The following EFHD1 variants were observed in gnomAD, a reference collection of about 807,000 sequenced individuals.
EFHD1 encodes EF-hand domain-containing protein D1.
A neutral mutation model predicts 17.2 loss-of-function variants in EFHD1; 10 were observed. That is an observed-to-expected ratio of 0.58 (90% confidence interval 0.36 to 0.99). The LOEUF (loss-of-function observed/expected upper bound fraction) is 0.99. EFHD1 is among the 50% of genes least tolerant of loss of function. EFHD1 has a pLI of 0.01. For missense variants in EFHD1, 310 were observed against 327.5 expected (o/e 0.95, Z 0.41); for synonymous variants, 153 against 142.0 (o/e 1.08, Z -0.55).
Position 232,644,418 on chromosome 2 carries a change from A to G in EFHD1, c.302+10412A>G, listed in dbSNP as rs75376326. Among the ~76,000 whole-genome samples, 443 of 152,062 alleles carry G rather than the reference A, an allele frequency of 2.9e-3. 5 individuals carry two copies. In the East Asian group the frequency reaches 0.036, roughly 12 times the overall value. On this transcript the variant is annotated intron_variant, in intron 1 of 3. Transcript: ENST00000264059. The stretch of plus-strand genomic sequence containing the variant: ...TAGTGGCTCCTGGGCTTCTGTGGCT[A>G]AGGGCACCTCTGTTGGCTTGGAGGC...
intron 1 of EFHD1, among the ~76,000 whole-genome samples, chr2:232,614,367 C>G (rs574756315): frequency 6.6e-6 from 1 of 152,132 alleles, no homozygotes; most frequent in Non-Finnish European, 1.5e-5. Flanking sequence ...TCTGAGACAG[C>G]GAGACCAACC....
At chr2:232,636,471 G>A (rs932941027) in intron 1 of EFHD1, among the ~76,000 whole-genome samples, 1 of 152,200 alleles carries the variant, frequency 6.6e-6, no homozygotes, top group African/African-American at 2.4e-5. Flanking sequence ...AGCCTATGGT[G>A]AAGGCCAGGT....
chr2:232,680,895 A>G (rs887521928), intron 3 of EFHD1, among the ~76,000 whole-genome samples: 2 of 151,492 alleles, frequency 1.3e-5, no homozygotes, highest in East Asian at 4.0e-4. Flanking sequence ...GACTGGGTGC[A>G]GTGGCTCACG....
intron 1 of EFHD1, among the ~76,000 whole-genome samples, chr2:232,618,918 T>C (rs553866037): frequency 2.1e-3 from 312 of 151,920 alleles, no homozygotes; most frequent in Non-Finnish European, 3.5e-3. Context: ...CCAAGGTGGG[T>C]GGATCACCTG....
chr2:232,640,443 C>T (rs1391610698), intron 1 of EFHD1, among the ~76,000 whole-genome samples: 1 of 152,164 alleles, frequency 6.6e-6, no homozygotes, highest in Non-Finnish European at 1.5e-5. Flanking sequence ...GTGTGTGCTC[C>T]TGTGGTACCA....
chr2:232,655,682 C>T (rs1694747993), intron 1 of EFHD1, among the ~76,000 whole-genome samples: 1 of 152,252 alleles, frequency 6.6e-6, no homozygotes, highest in Non-Finnish European at 1.5e-5. Flanking sequence ...GTCTGTCTCA[C>T]CCATTTCCAT....
intron 1 of EFHD1, among the ~76,000 whole-genome samples, chr2:232,642,472 TC>T (rs1346161658): frequency 6.6e-6 from 1 of 151,586 alleles, no homozygotes; most frequent in Non-Finnish European, 1.5e-5. Context: ...GCTCTTGACT[TC>T]CGGTCTTGGA....
intron 1 of EFHD1, among the ~76,000 whole-genome samples, chr2:232,636,810 G>A (rs1246453026): frequency 2.6e-5 from 4 of 152,158 alleles, no homozygotes; most frequent in African/African-American, 7.2e-5. Context: ...GCAACAGAGT[G>A]CGACTCCGTC....
chr2:232,634,075 G>T (rs1694266677), intron 1 of EFHD1, 69 bp downstream of exon 1: 1 of 1,575,980 alleles, frequency 6.3e-7, no homozygotes, highest in Non-Finnish European at 8.5e-7. Flanking sequence ...CTGGTCCGAA[G>T]TCCCGGGCCC....
intron 1 of EFHD1, among the ~76,000 whole-genome samples, chr2:232,613,701 C>CAT (rs1693854530): frequency 7.0e-6 from 1 of 142,320 alleles, no homozygotes; most frequent in Non-Finnish European, 1.5e-5. Flanking sequence ...AATATACACA[C>CAT]ACATACACAC....
intron 1 of EFHD1, among the ~76,000 whole-genome samples, chr2:232,622,296 C>T (rs1467112252): frequency 1.3e-5 from 2 of 151,888 alleles, no homozygotes; most frequent in Non-Finnish European, 2.9e-5. Context: ...GGTGAAACCC[C>T]GACCCTATTA....
chr2:232,666,038 G>A (rs1396538048), intron 2 of EFHD1, among the ~76,000 whole-genome samples: 1 of 152,198 alleles, frequency 6.6e-6, no homozygotes, highest in Non-Finnish European at 1.5e-5. Context: ...GTCTGTCTAG[G>A]CTAGAAGTTC....
intron 1 of EFHD1, among the ~76,000 whole-genome samples, chr2:232,640,124 G>T (rs887535976): frequency 6.6e-6 from 1 of 152,210 alleles, no homozygotes; most frequent in African/African-American, 2.4e-5. Flanking sequence ...TTGGAGCATG[G>T]ACCATGATCC....
At position 232,619,107 on chromosome 2, in the gene EFHD1, C is replaced by T. The variant is rs548874105; in HGVS notation, c.14+12934C>T. On this transcript the variant is annotated intron_variant, in intron 1 of 3. Transcript: ENST00000409613. Reference sequence around the variant, plus strand: ...GGCAGAATTTGCAGTGAGCCGAGATCGCGCCATTGCACTCCAGCCTGGGCA... The same window carrying T: ...GGCAGAATTTGCAGTGAGCCGAGATTGCGCCATTGCACTCCAGCCTGGGCA... Among the ~76,000 whole-genome samples the T allele has an allele frequency of 1.8e-3, 278 of 150,750 alleles. 1 individual carries two copies. Among genetic ancestry groups the T allele is most frequent in the African/African-American group, 5.3e-3 (216 of 41,134 alleles).
chr2:232,627,063 TA>T (rs1177359493), intron 1 of EFHD1, among the ~76,000 whole-genome samples: 4,811 of 99,950 alleles, frequency 0.048, 108 homozygotes, highest in Non-Finnish European at 0.057. Flanking sequence ...TATATATATA[TA>T]TTTTTTTTTT....
chr2:232,677,808 C>G, intron 3 of EFHD1, among the ~76,000 whole-genome samples: 1 of 152,112 alleles, frequency 6.6e-6, no homozygotes, highest in Non-Finnish European at 1.5e-5. Flanking sequence ...ATTACTTCTT[C>G]CCTTGTCCTC....
At chr2:232,658,546 T>G (rs1694803618) in intron 1 of EFHD1, among the ~76,000 whole-genome samples, 1 of 152,140 alleles carries the variant, frequency 6.6e-6, no homozygotes, top group Non-Finnish European at 1.5e-5. Flanking sequence ...GAAATATATG[T>G]CCAAACACTT....
intron 1 of EFHD1, among the ~76,000 whole-genome samples, chr2:232,657,547 C>T (rs958843086): frequency 1.5e-4 from 23 of 152,188 alleles, no homozygotes; most frequent in African/African-American, 2.6e-4. Context: ...TGGTGGCTCA[C>T]GCCTGTAATC....
At chr2:232,620,024 C>A (rs1469991074) in intron 1 of EFHD1, among the ~76,000 whole-genome samples, 2 of 152,118 alleles carry the variant, frequency 1.3e-5, no homozygotes, top group African/African-American at 2.4e-5. Context: ...TTTCTGTGAT[C>A]CATAGCTTTA....
Sources: allele counts gnomAD v4.1 joint callset (sites outside exome capture counted in the v4.1 genomes callset), GRCh38; gene constraint gnomAD v4.1.1; transcripts MANE v1.5; gene names NCBI Gene and HGNC (gene_info 2026-07-23, HGNC 2026-07-21).